EYS: variants seen among roughly 807,000 people sequenced by gnomAD.
EYS encodes the protein protein eyes shut homolog.
In EYS, 250 loss-of-function variants were observed where a neutral mutation model predicts 282.1. The observed-to-expected ratio is 0.89, with a 90% CI of 0.80 to 0.98. The LOEUF is 0.98. Ranked by LOEUF, EYS falls within the 50% of genes least tolerant of loss-of-function variation. EYS has a pLI of 0.00. For missense variants in EYS, 4,016 were observed against 3,709.0 expected (o/e 1.08, Z -2.15); for synonymous variants, 1,355 against 1,282.9 (o/e 1.06, Z -1.20).
intron 34 of EYS, among the ~76,000 whole-genome samples, chr6:63,995,344 A>G (rs1387627383): frequency 6.6e-6 from 1 of 152,050 alleles, no homozygotes; most frequent in East Asian, 1.9e-4. Flanking sequence ...AATCAAAACC[A>G]CAATGAGATA....
intron 35 of EYS, among the ~76,000 whole-genome samples, chr6:63,975,222 T>C (rs147203658): frequency 6.6e-6 from 1 of 152,132 alleles, no homozygotes; most frequent in Non-Finnish European, 1.5e-5. Flanking sequence ...CCTTAATGTT[T>C]TACAAACTTG....
At chr6:65,006,715 G>A (rs534520308) in intron 13 of EYS, among the ~76,000 whole-genome samples, 29 of 152,234 alleles carry the variant, frequency 1.9e-4, no homozygotes, top group African/African-American at 6.7e-4. Flanking sequence ...GATGATAGAT[G>A]GTTCCTCCCA....
intron 19 of EYS, among the ~76,000 whole-genome samples, chr6:64,864,941 C>A (rs761889585): frequency 6.6e-6 from 1 of 151,696 alleles, no homozygotes; most frequent in African/African-American, 2.4e-5. Context: ...GAGGCTGAGG[C>A]GAATTGCTTG....
intron 35 of EYS, 64 bp from the exon 36 acceptor site, chr6:63,864,422 A>T: frequency 2.5e-6 from 3 of 1,196,216 alleles, no homozygotes; most frequent in Non-Finnish European, 3.5e-6. Context: ...ACACATACAC[A>T]TATATACACA....
chr6:65,223,254 C>T (rs962389675), intron 12 of EYS, among the ~76,000 whole-genome samples: 10 of 152,090 alleles, frequency 6.6e-5, no homozygotes, highest in African/African-American at 2.4e-4. Flanking sequence ...GTAATCCCAA[C>T]TACTCAGGAG....
At chr6:64,656,525 C>G (rs190016413) in intron 22 of EYS, among the ~76,000 whole-genome samples, 7 of 152,004 alleles carry the variant, frequency 4.6e-5, no homozygotes, top group Admixed American at 4.6e-4. Context: ...ATAAAACACA[C>G]CTAAAGTTGA....
intron 31 of EYS, among the ~76,000 whole-genome samples, chr6:64,143,538 TG>T (rs1242040938): frequency 3.9e-5 from 6 of 152,148 alleles, no homozygotes; most frequent in Admixed American, 3.9e-4. Flanking sequence ...GCTCAGATTC[TG>T]GGAAGTAAGT....
chr6:65,370,904 G>A (rs1456461889), intron 8 of EYS, among the ~76,000 whole-genome samples: 1 of 151,844 alleles, frequency 6.6e-6, no homozygotes, highest in African/African-American at 2.4e-5. Context: ...TCTTCATAGA[G>A]ATTACATTTC....
intron 30 of EYS, among the ~76,000 whole-genome samples, chr6:64,286,283 G>C (rs1024298794): frequency 6.6e-6 from 1 of 152,122 alleles, no homozygotes; most frequent in Non-Finnish European, 1.5e-5. Context: ...ATATAAAGTT[G>C]AAAGAGTTTA....
intron 39 of EYS, among the ~76,000 whole-genome samples, chr6:63,786,660 C>T (rs1488027081): frequency 6.6e-6 from 1 of 151,530 alleles, no homozygotes; most frequent in Non-Finnish European, 1.5e-5. Context: ...TGTAACAAAC[C>T]TGCACATTCT....
chr6:65,371,737 C>CTGTGTGTG (rs1404201291), intron 8 of EYS, among the ~76,000 whole-genome samples: 9 of 43,454 alleles, frequency 2.1e-4, no homozygotes, highest in African/African-American at 6.5e-4. Flanking sequence ...CTCTCTCTCT[C>CTGTGTGTG]TCTCTGTGTG....
chr6:65,202,952 C>T (rs1765940075), intron 12 of EYS, among the ~76,000 whole-genome samples: 1 of 152,156 alleles, frequency 6.6e-6, no homozygotes. Context: ...AAGGTTGGTA[C>T]TTGCACCTGC....
At chr6:64,256,916 G>T (rs1280645524) in intron 30 of EYS, among the ~76,000 whole-genome samples, 1 of 151,946 alleles carries the variant, frequency 6.6e-6, no homozygotes. Context: ...CTCTCCACTG[G>T]TAATTCCCAA....
intron 2 of EYS, among the ~76,000 whole-genome samples, chr6:65,583,605 T>C (rs935074405): frequency 6.6e-6 from 1 of 152,122 alleles, no homozygotes; most frequent in African/African-American, 2.4e-5. Context: ...ATATCTTCAC[T>C]TTTTAAAGTG....
intron 28 of EYS, among the ~76,000 whole-genome samples, chr6:64,409,052 T>C (rs1211390130): frequency 1.3e-5 from 2 of 152,144 alleles, no homozygotes; most frequent in African/African-American, 2.4e-5. Flanking sequence ...TTGTATTTGG[T>C]TTTCTGTTCT....
intron 22 of EYS, among the ~76,000 whole-genome samples, chr6:64,793,228 G>A (rs762881819): frequency 1.3e-5 from 2 of 152,030 alleles, no homozygotes; most frequent in Non-Finnish European, 2.9e-5. Flanking sequence ...GTATTTATTG[G>A]TGTAAATCAA....
At chr6:65,588,495 C>T (rs1398985666) in intron 2 of EYS, among the ~76,000 whole-genome samples, 1 of 151,986 alleles carries the variant, frequency 6.6e-6, no homozygotes, top group Non-Finnish European at 1.5e-5. Context: ...GTCACACTTA[C>T]CTGTCTGTTT....
At chr6:65,590,026 A>G (rs1205217163) in intron 2 of EYS, among the ~76,000 whole-genome samples, 1 of 152,076 alleles carries the variant, frequency 6.6e-6, no homozygotes, top group Non-Finnish European at 1.5e-5. Flanking sequence ...ACATTTTTAA[A>G]GCATATAAGA....
At position 64,590,857 on chromosome 6, in the gene EYS, A is replaced by C. The variant is rs1264937460; in HGVS notation, c.5010T>G (p.Pro1670=). The C allele has an allele frequency of 6.4e-7, 1 of 1,550,784 alleles. No homozygotes were observed. The highest frequency in any genetic ancestry group is 1.4e-5 in the African/African-American group (1 of 73,132). The part of the protein sequence containing the change: ...CLDKTCLSIV[P]SQTISSDLMN... ...TCAAGTCTGAAGAGATAGTTTGTGA[A>C]GGGACAATGGATAAACAAGTCTTAT... The change falls in exon 26 of 43, where the codon CCT becomes CCG. Residue 1670 remains proline, a synonymous_variant. Transcript: ENST00000503581.
Sources: gnomAD v4.1 joint callset for allele counts (sites outside exome capture counted in the v4.1 genomes callset) on GRCh38, gnomAD v4.1.1 for gene constraint, MANE v1.5 for transcripts, NCBI Gene and HGNC (gene_info 2026-07-23, HGNC 2026-07-21) for gene names.